SHB: variants seen among roughly 807,000 people sequenced by gnomAD.
SHB encodes SH2 domain-containing adapter protein B.
A neutral mutation model predicts 52.3 loss-of-function variants in SHB; 20 were observed. That is an observed-to-expected ratio of 0.38 (90% CI 0.27 to 0.56). The LOEUF is 0.56. SHB is among the 20% of genes least tolerant of loss of function. SHB has a pLI of 0.71. For missense variants in SHB, 825 were observed against 723.3 expected, an observed-to-expected ratio of 1.14 and a Z score of -1.61; for synonymous variants, 397 against 316.5, an observed-to-expected ratio of 1.25 and a Z score of -2.70.
At chr9:37,955,653 T>TTTTTTTTCTTTTTTTTGTA (rs1832621620) in intron 4 of SHB, among the ~76,000 whole-genome samples, 1 of 27,448 alleles carries the variant, frequency 3.6e-5, no homozygotes, top group Non-Finnish European at 6.5e-5. Context: ...AATTTTTGTA[T>TTTTTTTTCTTTTTTTTGTA]TTTTTTTTCT....
chr9:38,000,648 T>C (rs746067535), intron 2 of SHB, among the ~76,000 whole-genome samples: 1 of 152,172 alleles, frequency 6.6e-6, no homozygotes, highest in African/African-American at 2.4e-5. Context: ...CATTGGGAAA[T>C]GCAGTGTGAT....
In SHB at chr9:37,974,772, C is replaced by T. The variant is rs778891600; in HGVS notation, c.904G>A (p.Glu302Lys). 5.0e-6 allele frequency: 8 copies of T among 1,614,026 alleles called. No individual in the cohort carries two copies. The highest frequency in any genetic ancestry group is 2.2e-5 in the South Asian group (2 of 91,082). Residue 302 changes from glutamate (E) to lysine (K), a missense_variant, in exon 3 of 6, where the codon GAA becomes AAA. By Grantham distance (56) the Glu-to-Lys change is moderately conservative. Transcript: ENST00000377707. ...GAGTCAACACTTTGGCCTTCAGGTT[C>T]GTAAGGGGTGTCATATAACTGGATA... ...KGIQLYDTPY[E>K]PEGQSVDSDS...
chr9:37,948,427 C>A (rs1396988520), intron 5 of SHB, among the ~76,000 whole-genome samples: 9 of 152,190 alleles, frequency 5.9e-5, no homozygotes. Context: ...AAAGGCCCCT[C>A]ATCTTCTGGA....
intron 5 of SHB, among the ~76,000 whole-genome samples, chr9:37,923,512 C>T (rs1197832986): frequency 2.0e-5 from 3 of 152,196 alleles, no homozygotes; most frequent in African/African-American, 7.2e-5. Context: ...GGTCAGGTGA[C>T]GCCTTGTCCA....
rs986182747 is a variant in SHB, at chr9:38,065,957, C to A, written c.717+1972G>T. ...CAAGGTGCACTCCTCGATGCCACAC[C>A]CCCCAACCTCTCCCTTGCCCTTCAT... On this transcript the variant is annotated intron_variant, in intron 1 of 5. Coordinates refer to ENST00000377707, the MANE Select transcript of SHB (RefSeq NM_003028.3). 2.6e-5 allele frequency among the ~76,000 whole-genome samples: 4 copies of A among 152,250 alleles called. No homozygotes were observed. The South Asian group carries it at 8.3e-4, about 32-fold the overall frequency.
At chr9:38,041,069 TC>T in intron 1 of SHB, among the ~76,000 whole-genome samples, 1 of 152,080 alleles carries the variant, frequency 6.6e-6, no homozygotes, top group South Asian at 2.1e-4. Flanking sequence ...AGTCCTCTTC[TC>T]CAGGCTAACA....
intron 3 of SHB, among the ~76,000 whole-genome samples, chr9:37,960,669 C>T (rs1054379235): frequency 2.0e-5 from 3 of 152,188 alleles, no homozygotes; most frequent in Non-Finnish European, 4.4e-5. Context: ...TTTCCTGGCC[C>T]TCCCATCTGG....
intron 5 of SHB, among the ~76,000 whole-genome samples, chr9:37,943,678 C>T (rs1280166353): frequency 1.3e-5 from 2 of 152,194 alleles, no homozygotes; most frequent in Non-Finnish European, 2.9e-5. Context: ...AGAGGTGCCA[C>T]TCGGTGCCCC....
intron 2 of SHB, among the ~76,000 whole-genome samples, chr9:38,012,746 A>G (rs985809104): frequency 4.6e-5 from 7 of 151,282 alleles, no homozygotes; most frequent in South Asian, 2.1e-4. Flanking sequence ...CGGCACACGG[A>G]GGGCACAGCC....
Position 38,068,025 on chromosome 9 carries a change from G to T in SHB, c.621C>A (p.Gly207=), listed in dbSNP as rs1254734219. ...CGCAGGCCGTCGGGCTCCAGGTGCGGCCGCCCGCGCAGGCGCCCCCCAGGG... is the reference window on the plus strand; with the variant it reads ...CGCAGGCCGTCGGGCTCCAGGTGCGTCCGCCCGCGCAGGCGCCCCCCAGGG... ...GDPLGGACAG[G]RTWSPTACGG... Residue 207 remains glycine, a synonymous_variant, in exon 1 of 6, where the codon GGC becomes GGA. Transcript: ENST00000377707. The T allele has an allele frequency of 8.6e-6, 13 of 1,509,588 alleles. No homozygotes were observed. The highest frequency in any genetic ancestry group is 2.6e-6 in the Non-Finnish European group (3 of 1,137,250). 93.5% of individuals were successfully genotyped at this position (1,509,588 alleles called of 1,614,324 possible). A position where few individuals can be genotyped will look rare whatever the true frequency, so the allele number is the denominator to read the frequency against.
intron 5 of SHB, among the ~76,000 whole-genome samples, chr9:37,924,469 T>C (rs1201843927): frequency 6.6e-6 from 1 of 152,194 alleles, no homozygotes; most frequent in Non-Finnish European, 1.5e-5. Flanking sequence ...TACTTGCATA[T>C]AATATTTATG....
intron 1 of SHB, among the ~76,000 whole-genome samples, chr9:38,023,203 C>T (rs1197479684): frequency 1.3e-5 from 2 of 152,322 alleles, no homozygotes; most frequent in South Asian, 2.1e-4. Context: ...AGGATGCCGC[C>T]AGGCAGGGAC....
chr9:37,948,554 T>C, intron 5 of SHB, 81 bp downstream of exon 5: 2 of 1,521,258 alleles, frequency 1.3e-6, no homozygotes, highest in Non-Finnish European at 1.8e-6. Flanking sequence ...CACTGGCGGG[T>C]TTTTCTGCCA....
chr9:37,921,618 C>T (rs1403860710), intron 5 of SHB, among the ~76,000 whole-genome samples: 1 of 152,070 alleles, frequency 6.6e-6, no homozygotes, highest in African/African-American at 2.4e-5. Flanking sequence ...TTTTTTAAGG[C>T]TGGCAATGTT....
rs946075915 is a variant in SHB, at chr9:38,068,220, G to A, written c.426C>T (p.Ala142=). The change falls in exon 1 of 6, where the codon GCC becomes GCT. Residue 142 remains alanine, a synonymous_variant. Coordinates refer to ENST00000377707, the MANE Select transcript of SHB (RefSeq NM_003028.3). ...SASGAAGCCC[A]SSGAGAAASS... ...ACGCGGCGGCCCCCGCGCCCGAGGA[G>A]GCGCAGCAACAGCCCGCGGCGCCCG... 13 of 1,396,144 alleles carry A rather than the reference G, an allele frequency of 9.3e-6. No individual in the cohort carries two copies. In the East Asian group the frequency reaches 1.5e-4, roughly 16 times the overall value. The allele number at this position is 1,396,144 out of a possible 1,614,324, so 86.5% of individuals were successfully genotyped here.
chr9:37,974,484 G>T (rs3802414), intron 3 of SHB, 138 bp downstream of exon 3: 380,931 of 700,432 alleles, frequency 0.54, 106,151 homozygotes, highest in East Asian at 0.78. Flanking sequence ...GCCTACATCT[G>T]TGAGGGTACT....
intron 2 of SHB, among the ~76,000 whole-genome samples, chr9:38,011,234 G>A (rs778622671): frequency 3.3e-5 from 5 of 152,220 alleles, no homozygotes; most frequent in African/African-American, 4.8e-5. Flanking sequence ...CTCAACAGGA[G>A]GCTTGGCCTG....
intron 2 of SHB, among the ~76,000 whole-genome samples, chr9:37,982,977 C>CCCG (rs547038334): frequency 2.7e-5 from 4 of 145,820 alleles, no homozygotes; most frequent in East Asian, 2.0e-4. Flanking sequence ...TCTGGTGCCC[C>CCCG]CCCCTCCATC....
chr9:38,025,185 A>AACC (rs1821326718), intron 1 of SHB, among the ~76,000 whole-genome samples: 1 of 152,098 alleles, frequency 6.6e-6, no homozygotes, highest in South Asian at 2.1e-4. Flanking sequence ...TACAAGGACC[A>AACC]ACCACCCATC....
Sources: allele counts gnomAD v4.1 joint callset (sites outside exome capture counted in the v4.1 genomes callset), GRCh38; gene constraint gnomAD v4.1.1; transcripts MANE v1.5; gene names NCBI Gene and HGNC (gene_info 2026-07-23, HGNC 2026-07-21).